ADAMTS17: variants seen among roughly 807,000 people sequenced by gnomAD.
ADAMTS17 encodes ADAM metallopeptidase with thrombospondin type 1 motif 17.
Under a neutral mutation model 141.5 loss-of-function variants are expected in ADAMTS17, and 113 were observed. The ratio of observed to expected loss-of-function variants is 0.80; its 90% CI spans 0.69 to 0.93. The LOEUF (loss-of-function observed/expected upper bound fraction) is 0.93. ADAMTS17 is among the 40% of genes least tolerant of loss of function. ADAMTS17 has a pLI of 0.00. For missense variants in ADAMTS17, 1,659 were observed against 1,517.9 expected (o/e 1.09, Z -1.54); for synonymous variants, 768 against 630.6 (o/e 1.22, Z -3.27).
At chr15:100,210,753 G>A (rs2041774411) in intron 7 of ADAMTS17, among the ~76,000 whole-genome samples, 1 of 151,190 alleles carries the variant, frequency 6.6e-6, no homozygotes, top group South Asian at 2.1e-4. Context: ...ATCACTTGAG[G>A]TCAGGAGTTT....
At chr15:100,035,253 A>G (rs976517647) in intron 18 of ADAMTS17, among the ~76,000 whole-genome samples, 3 of 152,226 alleles carry the variant, frequency 2.0e-5, no homozygotes, top group African/African-American at 7.2e-5. Flanking sequence ...TTATGAATCC[A>G]GCCTATGTGA....
At chr15:99,981,319 G>A (rs902037458) in intron 20 of ADAMTS17, among the ~76,000 whole-genome samples, 2 of 152,200 alleles carry the variant, frequency 1.3e-5, no homozygotes, top group Admixed American at 1.3e-4. Context: ...AGGGACAGGT[G>A]TCTGTTCTCA....
At position 100,341,828 on chromosome 15, in the gene ADAMTS17, C is replaced by T. The variant is rs1596563056; in HGVS notation, c.72G>A (p.Pro24=). Residue 24 remains proline, a synonymous_variant, in exon 1 of 22, where the codon CCG becomes CCA. Coordinates refer to ENST00000268070, the MANE Select transcript of ADAMTS17 (RefSeq NM_139057.4). ...VLLLLVWGLD[P]GTAVGDAAAD... ...TGTGGGAGGGGGCGCTACCTGTGCC[C>T]GGGTCCAGTCCCCAAACCAGCAGCA... 1 of 1,551,528 alleles carries T rather than the reference C, an allele frequency of 6.4e-7. No individual in the cohort carries two copies. The highest frequency in any genetic ancestry group is 2.0e-5 in the Admixed American group (1 of 51,190).
intron 8 of ADAMTS17, among the ~76,000 whole-genome samples, chr15:100,190,150 A>G (rs980016877): frequency 2.6e-5 from 4 of 152,134 alleles, no homozygotes; most frequent in African/African-American, 9.7e-5. Context: ...AGAAAATGAT[A>G]ACCTCCCTCA....
Position 100,099,727 on chromosome 15 carries a change from TAAAGGCATGG to T in ADAMTS17, c.2017-3261_2017-3252del, listed in dbSNP as rs1427724197. ...AAGGAACAATGTCCCACGGCATAAT[TAAAGGCATGG>T]GATGGTATGAGATGGTATGAGATGG... On this transcript the variant is annotated intron_variant, in intron 14 of 21. Transcript: ENST00000268070. Among the ~76,000 whole-genome samples the T allele has an allele frequency of 3.3e-5, 5 of 151,788 alleles. No homozygotes were observed. The East Asian group carries it at 9.7e-4, about 29-fold the overall frequency.
chr15:100,274,509 G>A (rs143415167), intron 4 of ADAMTS17, among the ~76,000 whole-genome samples: 8 of 152,236 alleles, frequency 5.3e-5, no homozygotes, highest in Non-Finnish European at 8.8e-5. Flanking sequence ...GTTACAATTA[G>A]CATGGAATTT....
intron 3 of ADAMTS17, among the ~76,000 whole-genome samples, chr15:100,311,075 G>A (rs2045388936): frequency 1.3e-5 from 2 of 152,208 alleles, no homozygotes; most frequent in South Asian, 4.1e-4. Context: ...AGGAAAAAAT[G>A]TAACCCGAAA....
chr15:100,020,159 G>A (rs1180487536), intron 18 of ADAMTS17, among the ~76,000 whole-genome samples: 1 of 152,164 alleles, frequency 6.6e-6, no homozygotes, highest in Non-Finnish European at 1.5e-5. Context: ...TGCCCTGCTG[G>A]CCCAGCTGCC....
intron 3 of ADAMTS17, among the ~76,000 whole-genome samples, chr15:100,296,038 G>A (rs72757230): frequency 0.01 from 1,551 of 152,148 alleles, 16 homozygotes; most frequent in South Asian, 0.031. Flanking sequence ...GTATCAAAGC[G>A]TACCACAGAT....
At position 100,241,988 on chromosome 15, in the gene ADAMTS17, C is replaced by T. The variant is rs112490156; in HGVS notation, c.1075+12148G>A. Among the ~76,000 whole-genome samples, 113 of 152,254 alleles carry T rather than the reference C, an allele frequency of 7.4e-4. 1 individual carries two copies. Among genetic ancestry groups the T allele is most frequent in the African/African-American group, 2.6e-3 (108 of 41,528 alleles). On this transcript the variant is annotated intron_variant, in intron 7 of 21. Coordinates refer to ENST00000268070, the MANE Select transcript of ADAMTS17 (RefSeq NM_139057.4). ...TTCCTTCCCGTTCCTGAAGCACTTACGCTGCATATCTGTAGAAATTGAGGT... is the reference window on the plus strand; with the variant it reads ...TTCCTTCCCGTTCCTGAAGCACTTATGCTGCATATCTGTAGAAATTGAGGT...
chr15:100,201,470 C>T (rs1393263220), intron 7 of ADAMTS17, among the ~76,000 whole-genome samples: 3 of 152,182 alleles, frequency 2.0e-5, no homozygotes, highest in African/African-American at 7.2e-5. Flanking sequence ...ATAAACTACC[C>T]AGTCTCAGGT....
In ADAMTS17 at chr15:100,080,813, T is replaced by A. The variant is rs138186663; in HGVS notation, c.2137+15543A>T. The stretch of plus-strand genomic sequence containing the variant: ...AGCATGTTAAGTATTGTTAACTTTA[T>A]GTAATAGTATTTGGGTTGGGGATTG... On this transcript the variant is annotated intron_variant, in intron 15 of 21. Transcript: ENST00000268070. Among the ~76,000 whole-genome samples, 37 of 152,366 alleles carry A rather than the reference T, an allele frequency of 2.4e-4. No individual in the cohort carries two copies. The East Asian group carries it at 6.9e-3, about 29-fold the overall frequency.
chr15:100,088,002 G>A (rs1367255140), intron 15 of ADAMTS17, among the ~76,000 whole-genome samples: 1 of 152,158 alleles, frequency 6.6e-6, no homozygotes, highest in Non-Finnish European at 1.5e-5. Context: ...AGTCAGGCAG[G>A]AGAAGGAAAT....
intron 15 of ADAMTS17, among the ~76,000 whole-genome samples, chr15:100,085,917 G>A (rs1237492630): frequency 6.6e-6 from 1 of 151,998 alleles, no homozygotes; most frequent in East Asian, 1.9e-4. Flanking sequence ...GACCATCAAG[G>A]CTAGGAAGAA....
At chr15:100,000,648 G>A (rs2727128) in intron 18 of ADAMTS17, among the ~76,000 whole-genome samples, 10,840 of 152,124 alleles carry the variant, frequency 0.071, 1,117 homozygotes, top group African/African-American at 0.23. Context: ...TGAGTAGTCG[G>A]GTTTACAGCC....
At position 100,329,219 on chromosome 15, in the gene ADAMTS17, G is replaced by C. The variant is rs368015399; in HGVS notation, c.616+1670C>G. On this transcript the variant is annotated intron_variant, in intron 3 of 21. Coordinates refer to ENST00000268070, the MANE Select transcript of ADAMTS17 (RefSeq NM_139057.4). ...CGGTACGTCAAGACAGAACTAGGTA[G>C]GGTCAGGGGCTCAGGTTAAAAATAG... 4.3e-3 allele frequency among the ~76,000 whole-genome samples: 662 copies of C among 152,208 alleles called. 4 individuals are homozygous for C. The highest frequency in any genetic ancestry group is 0.022 in the South Asian group (106 of 4,818).
intron 19 of ADAMTS17, among the ~76,000 whole-genome samples, chr15:99,996,946 G>C (rs2060814179): frequency 6.6e-6 from 1 of 152,154 alleles, no homozygotes. Flanking sequence ...CATGAGATTT[G>C]TAACTCCAAC....
intron 18 of ADAMTS17, among the ~76,000 whole-genome samples, chr15:100,003,638 G>C (rs771412477): frequency 6.6e-6 from 1 of 152,166 alleles, no homozygotes; most frequent in Non-Finnish European, 1.5e-5. Flanking sequence ...AACGATGCAA[G>C]TGTCCATCAA....
chr15:100,055,918 A>G (rs1253518523), intron 15 of ADAMTS17, among the ~76,000 whole-genome samples: 2 of 152,210 alleles, frequency 1.3e-5, no homozygotes, highest in Non-Finnish European at 2.9e-5. Flanking sequence ...TCACAAAGCT[A>G]TTCAGTTGTA....
Sources: allele counts gnomAD v4.1 joint callset (sites outside exome capture counted in the v4.1 genomes callset), GRCh38; gene constraint gnomAD v4.1.1; transcripts MANE v1.5; gene names NCBI Gene and HGNC (gene_info 2026-07-23, HGNC 2026-07-21).